Variants in PRLR observed in about 807,000 individuals in gnomAD.
PRLR encodes the protein hPRL receptor.
A neutral mutation model predicts 40.2 loss-of-function variants in PRLR; 13 were observed. The observed-to-expected ratio is 0.32, with a 90% CI of 0.21 to 0.51. PRLR has a LOEUF of 0.51. PRLR is among the 20% of genes least tolerant of loss of function. PRLR has a pLI of 0.97. For missense variants in PRLR, 656 were observed against 747.3 expected (o/e 0.88, Z 1.42); for synonymous variants, 269 against 278.7 (o/e 0.97, Z 0.35).
At chr5:35,132,044 G>T (rs1021516123) in intron 1 of PRLR, among the ~76,000 whole-genome samples, 7 of 152,150 alleles carry the variant, frequency 4.6e-5, no homozygotes, top group African/African-American at 9.7e-5. Flanking sequence ...GGTAGTCATA[G>T]TACCTCACCC....
rs374617333 is a variant in PRLR at position 35,197,011 on chromosome 5, G to C, written c.-106+33257C>G. ...ATCTCATTCATGAAGCCTCCCAAAG[G>C]CTCCATTATATTGGGGGTTAGGATT... On this transcript the variant is annotated intron_variant, in intron 1 of 9. Transcript: ENST00000618457. Among the ~76,000 whole-genome samples, 130 of 152,234 alleles carry C rather than the reference G, an allele frequency of 8.5e-4. 3 individuals are homozygous for C. In the South Asian group the frequency reaches 0.025, roughly 30 times the overall value.
intron 1 of PRLR, among the ~76,000 whole-genome samples, chr5:35,130,673 TG>T (rs1305140897): frequency 6.6e-6 from 1 of 152,188 alleles, no homozygotes; most frequent in Non-Finnish European, 1.5e-5. Context: ...TTTGTTTGGA[TG>T]GTGTTATGGG....
chr5:35,119,149 A>G (rs1339181198), intron 1 of PRLR, among the ~76,000 whole-genome samples: 1 of 152,164 alleles, frequency 6.6e-6, no homozygotes, highest in Non-Finnish European at 1.5e-5. Context: ...TTCATAATTT[A>G]ATGTCCAGTT....
At chr5:35,088,543 T>C (rs1177287409) in intron 3 of PRLR, among the ~76,000 whole-genome samples, 1 of 152,214 alleles carries the variant, frequency 6.6e-6, no homozygotes, top group Non-Finnish European at 1.5e-5. Flanking sequence ...AAAGCTTCTC[T>C]TTCTTATTTT....
intron 1 of PRLR, among the ~76,000 whole-genome samples, chr5:35,167,394 C>T (rs1427116825): frequency 6.6e-6 from 1 of 152,022 alleles, no homozygotes; most frequent in Non-Finnish European, 1.5e-5. Context: ...GCCAATATGA[C>T]TGAGTTTTGA....
At chr5:35,074,809 A>T (rs909851695) in intron 5 of PRLR, among the ~76,000 whole-genome samples, 2 of 152,074 alleles carry the variant, frequency 1.3e-5, no homozygotes, top group African/African-American at 4.8e-5. Context: ...TTAAAAAAAA[A>T]ATGAAGGAGG....
At chr5:35,201,840 G>A (rs1170868369) in intron 1 of PRLR, among the ~76,000 whole-genome samples, 1 of 152,148 alleles carries the variant, frequency 6.6e-6, no homozygotes, top group Non-Finnish European at 1.5e-5. Context: ...AGGATGGGAT[G>A]AATTCCTTTC....
At chr5:35,184,908 CA>C (rs1579776371) in intron 1 of PRLR, among the ~76,000 whole-genome samples, 1 of 152,226 alleles carries the variant, frequency 6.6e-6, no homozygotes, top group East Asian at 1.9e-4. Context: ...AAATGCTCAA[CA>C]AATATAGGTG....
intron 1 of PRLR, among the ~76,000 whole-genome samples, chr5:35,154,716 A>G (rs1774435756): frequency 6.6e-6 from 1 of 152,190 alleles, no homozygotes; most frequent in Admixed American, 6.5e-5. Flanking sequence ...ACTATTCACA[A>G]TAGCAAATAC....
At chr5:35,174,725 C>T (rs939328518) in intron 1 of PRLR, among the ~76,000 whole-genome samples, 20 of 152,180 alleles carry the variant, frequency 1.3e-4, no homozygotes, top group African/African-American at 4.6e-4. Context: ...ATTCCTATGA[C>T]CTGTCTGGGG....
intron 1 of PRLR, among the ~76,000 whole-genome samples, chr5:35,153,758 T>C (rs1465328847): frequency 2.1e-5 from 3 of 140,606 alleles, no homozygotes; most frequent in Non-Finnish European, 4.5e-5. Flanking sequence ...CTACACACAC[T>C]ACACACACAC....
intron 2 of PRLR, among the ~76,000 whole-genome samples, chr5:35,102,300 T>G (rs1199783737): frequency 6.6e-6 from 1 of 152,120 alleles, no homozygotes; most frequent in Non-Finnish European, 1.5e-5. Context: ...GTTGCCAAAA[T>G]CAAATGCCTA....
intron 1 of PRLR, among the ~76,000 whole-genome samples, chr5:35,211,080 T>C (rs1776156956): frequency 6.6e-6 from 1 of 152,192 alleles, no homozygotes; most frequent in South Asian, 2.1e-4. Context: ...TTAGTTTTGT[T>C]CTTATTCCAA....
Position 35,072,560 on chromosome 5 carries a change from A to G in PRLR, c.543+15T>C. Reference sequence around the variant, plus strand: ...AAAGGCCATAGTTCCTTCAAAAAGCATATGGATCACTCACCTCCCACTCAG... The same window carrying G: ...AAAGGCCATAGTTCCTTCAAAAAGCGTATGGATCACTCACCTCCCACTCAG... On this transcript the variant is annotated intron_variant, in intron 6 of 9. Coordinates refer to ENST00000618457, the MANE Select transcript of PRLR (RefSeq NM_000949.7). 2.5e-6 allele frequency: 4 copies of G among 1,611,524 alleles called. No homozygotes were observed. Among genetic ancestry groups the G allele is most frequent in the Non-Finnish European group, 3.4e-6 (4 of 1,178,698 alleles).
chr5:35,214,678 GTGTAAC>G (rs1776244384), intron 1 of PRLR, among the ~76,000 whole-genome samples: 1 of 152,190 alleles, frequency 6.6e-6, no homozygotes, highest in South Asian at 2.1e-4. Context: ...ATTCAGAGAT[GTGTAAC>G]AGTGGGAGAA....
intron 1 of PRLR, among the ~76,000 whole-genome samples, chr5:35,201,508 C>T (rs138080082): frequency 3.5e-4 from 54 of 152,302 alleles, no homozygotes; most frequent in African/African-American, 1.3e-3. Flanking sequence ...GCTGTGACTT[C>T]ATCCTACATG....
chr5:35,086,002 C>T lies in PRLR; in HGVS notation c.203+206G>A, dbSNP rs1770826047. 2.0e-5 allele frequency among the ~76,000 whole-genome samples: 3 copies of T among 151,880 alleles called. No homozygotes were observed. In the South Asian group the frequency reaches 6.2e-4, roughly 32 times the overall value. On this transcript the variant is annotated intron_variant, in intron 4 of 9. Coordinates refer to ENST00000618457, the MANE Select transcript of PRLR (RefSeq NM_000949.7). ...TAACACTGATATTGTACTGCTATGG[C>T]TGGTAACCTTATGTATATTGACACA...
At chr5:35,165,235 T>A (rs1191408124) in intron 1 of PRLR, among the ~76,000 whole-genome samples, 1 of 152,132 alleles carries the variant, frequency 6.6e-6, no homozygotes, top group Admixed American at 6.5e-5. Context: ...CAGTGCAGCA[T>A]CCTACTATAG....
At chr5:35,214,304 A>G (rs1776234886) in intron 1 of PRLR, among the ~76,000 whole-genome samples, 1 of 152,224 alleles carries the variant, frequency 6.6e-6, no homozygotes, top group African/African-American at 2.4e-5. Flanking sequence ...GTATTTGGCA[A>G]GGACAGTGGC....
Sources: gnomAD v4.1 joint callset for allele counts (sites outside exome capture counted in the v4.1 genomes callset) on GRCh38, gnomAD v4.1.1 for gene constraint, MANE v1.5 for transcripts, NCBI Gene and HGNC (gene_info 2026-07-23, HGNC 2026-07-21) for gene names.